The following RABGAP1 variants were observed in gnomAD, a reference collection of about 807,000 sequenced individuals.
RABGAP1 encodes RAB GTPase activating protein 1, also known as rab GTPase-activating protein 1.
A neutral mutation model predicts 137.6 loss-of-function variants in RABGAP1; 23 were observed. The ratio of observed to expected loss-of-function variants is 0.17; its 90% confidence interval spans 0.12 to 0.24. RABGAP1 has a LOEUF of 0.24. Ranked by LOEUF, RABGAP1 falls within the 10% of genes least tolerant of loss-of-function variation. RABGAP1 has a pLI of 1.00. For synonymous variants in RABGAP1, 451 were observed against 450.7 expected (o/e 1.00, Z -0.01); for missense variants, 906 against 1,275.8 (o/e 0.71, Z 4.42).
intron 2 of RABGAP1, among the ~76,000 whole-genome samples, chr9:122,978,630 G>A (rs1388532319): frequency 1.3e-5 from 2 of 152,072 alleles, no homozygotes; most frequent in Non-Finnish European, 2.9e-5. Flanking sequence ...GAAAAACCCT[G>A]TCTCTCAAAA....
At chr9:122,935,925 A>G (rs1435621783), upstream of RABGAP1, among the ~76,000 whole-genome samples, 1 of 151,032 alleles carries the variant, frequency 6.6e-6, no homozygotes. Flanking sequence ...TTGAAGAACA[A>G]TTTTGCCAGA....
upstream of RABGAP1, chr9:122,937,962 C>T (rs1300252711): frequency 2.0e-5 from 3 of 152,032 alleles, no homozygotes; most frequent in Admixed American, 2.0e-4. Context: ...TGCACTCCAG[C>T]CTGGGTGACA....
intron 13 of RABGAP1, chr9:123,029,733 C>G (rs2032194678): frequency 4.7e-6 from 3 of 633,676 alleles, no homozygotes; most frequent in South Asian, 4.1e-5. Flanking sequence ...CTGTCTTCTT[C>G]TTGTAGTCCT....
At chr9:123,001,872 G>T (rs1473574316) in intron 10 of RABGAP1, among the ~76,000 whole-genome samples, 2 of 152,058 alleles carry the variant, frequency 1.3e-5, no homozygotes, top group South Asian at 4.1e-4. Flanking sequence ...ACCTCTCTGG[G>T]ACACCAAATT....
chr9:122,972,574 C>G (rs937253289), intron 2 of RABGAP1, among the ~76,000 whole-genome samples: 3 of 152,150 alleles, frequency 2.0e-5, no homozygotes, highest in African/African-American at 7.2e-5. Flanking sequence ...CAAAGCAAGT[C>G]ACAAGTCCAG....
At chr9:122,967,517 G>A (rs1474275253) in intron 2 of RABGAP1, among the ~76,000 whole-genome samples, 1 of 152,144 alleles carries the variant, frequency 6.6e-6, no homozygotes, top group African/African-American at 2.4e-5. Context: ...AGTTAGCCTA[G>A]GAACAGTTTC....
chr9:123,071,578 C>A (rs2034357726), intron 15 of RABGAP1: 1 of 152,160 alleles, frequency 6.6e-6, no homozygotes, highest in Non-Finnish European at 1.5e-5. Context: ...CATAATCACA[C>A]AAGTATATCA....
intron 13 of RABGAP1, among the ~76,000 whole-genome samples, chr9:123,047,815 T>G (rs2033272477): frequency 6.6e-6 from 1 of 151,946 alleles, no homozygotes; most frequent in South Asian, 2.1e-4. Flanking sequence ...AGCAGTTCAC[T>G]GATGGAGCTG....
the RABGAP1 span, among the ~76,000 whole-genome samples, chr9:122,933,811 GA>G: frequency 1.3e-5 from 2 of 152,038 alleles, no homozygotes; most frequent in Non-Finnish European, 2.9e-5. Context: ...TTTTAGTAGA[GA>G]TGGGGTTTTA....
chr9:123,017,072 C>G (rs1319575126), intron 12 of RABGAP1, among the ~76,000 whole-genome samples: 1 of 152,192 alleles, frequency 6.6e-6, no homozygotes, highest in Non-Finnish European at 1.5e-5. Flanking sequence ...TTCTTTACAT[C>G]AGGAGACAAA....
chr9:123,092,300 A>G (rs1046553177), intron 21 of RABGAP1, among the ~76,000 whole-genome samples: 16 of 152,210 alleles, frequency 1.1e-4, no homozygotes, highest in African/African-American at 3.9e-4. Context: ...ACCAGGTTTC[A>G]TTCCTGATAT....
At chr9:123,076,526 A>G (rs1437595130) in intron 18 of RABGAP1, 108 bp from the exon 19 acceptor site, 4 of 1,318,358 alleles carry the variant, frequency 3.0e-6, no homozygotes, top group South Asian at 1.5e-5. Context: ...GCTAAGAAGT[A>G]TCTTCTGGGG....
intron 2 of RABGAP1, 122 bp from the exon 3 acceptor site, chr9:122,984,363 A>G (rs1836251666): frequency 1.2e-6 from 1 of 823,870 alleles, no homozygotes; most frequent in Non-Finnish European, 1.9e-6. Context: ...TAAAAAAAAC[A>G]TTCAGAAGAT....
intron 19 of RABGAP1, among the ~76,000 whole-genome samples, chr9:123,087,851 G>A (rs924681163): frequency 1.1e-4 from 17 of 152,072 alleles, no homozygotes; most frequent in African/African-American, 4.1e-4. Context: ...ACACCAACAC[G>A]CAGCAAATGT....
intron 10 of RABGAP1, among the ~76,000 whole-genome samples, 173 bp downstream of exon 10, chr9:122,998,939 G>A (rs755234187): frequency 2.8e-4 from 42 of 151,754 alleles, no homozygotes; most frequent in Non-Finnish European, 5.6e-4. Flanking sequence ...ATTGCTCTTC[G>A]TTTCTTCCCA....
At chr9:123,020,810 G>A in intron 13 of RABGAP1, 1 of 559,478 alleles carries the variant, frequency 1.8e-6, no homozygotes, top group Non-Finnish European at 2.3e-6. Context: ...ATGTGCTCTT[G>A]GTAGGAAAGG....
chr9:122,982,048 CAAAA>C (rs761154597), intron 2 of RABGAP1, among the ~76,000 whole-genome samples: 3 of 73,618 alleles, frequency 4.1e-5, no homozygotes, highest in South Asian at 4.1e-4. Context: ...GACTCTGTCT[CAAAA>C]AAAAAAAAAA....
At chr9:123,044,150 A>G (rs751134366) in intron 13 of RABGAP1, among the ~76,000 whole-genome samples, 5 of 151,942 alleles carry the variant, frequency 3.3e-5, no homozygotes, top group Non-Finnish European at 5.9e-5. Flanking sequence ...TGATCCGCCC[A>G]TCTCGGCCTC....
At chr9:123,100,170 C>T (rs2035298706) in intron 24 of RABGAP1, among the ~76,000 whole-genome samples, 1 of 152,034 alleles carries the variant, frequency 6.6e-6, no homozygotes, top group Admixed American at 6.6e-5. Flanking sequence ...GTTTTTATAA[C>T]ATGGTGCTTT....
Sources: gnomAD v4.1 joint callset for allele counts (sites outside exome capture counted in the v4.1 genomes callset) on GRCh38, gnomAD v4.1.1 for gene constraint, MANE v1.5 for transcripts, NCBI Gene and HGNC (gene_info 2026-07-23, HGNC 2026-07-21) for gene names.